Variants in TENM3 observed in about 807,000 individuals in gnomAD.
The protein encoded by TENM3 is teneurin transmembrane protein 3.
In TENM3, 63 loss-of-function variants were observed where a neutral mutation model predicts 255.1. The ratio of observed to expected loss-of-function variants is 0.25; its 90% CI spans 0.20 to 0.30. The LOEUF is 0.30. TENM3 is among the 10% of genes least tolerant of loss of function. The pLI, the probability that TENM3 is intolerant of heterozygous loss-of-function variation, is 1.00. For synonymous variants in TENM3, 1,306 were observed against 1,322.3 expected, an observed-to-expected ratio of 0.99 and a Z score of 0.27; for missense variants, 2,929 against 3,461.1, an observed-to-expected ratio of 0.85 and a Z score of 3.86.
intron 19 of TENM3, among the ~76,000 whole-genome samples, chr4:182,744,921 G>C (rs138673725): frequency 1.9e-3 from 296 of 152,016 alleles, no homozygotes; most frequent in Middle Eastern, 0.01. Flanking sequence ...GGACACATTT[G>C]ATTGAAAAAC....
chr4:182,317,167 C>T (rs1013251892), intron 1 of TENM3, among the ~76,000 whole-genome samples: 1 of 152,170 alleles, frequency 6.6e-6, no homozygotes, highest in African/African-American at 2.4e-5. Context: ...GTAAAGAAAA[C>T]AACCTGCCCA....
the TENM3 span, among the ~76,000 whole-genome samples, chr4:181,832,301 T>A: frequency 3.9e-5 from 6 of 152,084 alleles, no homozygotes; most frequent in Non-Finnish European, 5.9e-5. Context: ...ATGTGGCCAA[T>A]TTTTTTAAAA....
chr4:182,404,366 T>A (rs1439590061), intron 3 of TENM3, among the ~76,000 whole-genome samples: 1 of 152,188 alleles, frequency 6.6e-6, no homozygotes, highest in Non-Finnish European at 1.5e-5. Context: ...ACCTACAAAA[T>A]GAAGTAATTC....
rs1817022 is a variant in TENM3 at position 182,220,595 on chromosome 4, G to T, written c.-76+75841G>T. The stretch of plus-strand genomic sequence containing the variant: ...AGTCCGTGGCCCTGTAGATTGATAG[G>T]AAACTGCGCAGAGAAGGTTCATGCT... On this transcript the variant is annotated intron_variant, in intron 1 of 2. Coordinates refer to the TENM3 transcript ENST00000512480. Among the ~76,000 whole-genome samples, 996 of 152,212 alleles carry T rather than the reference G, an allele frequency of 6.5e-3. 7 individuals are homozygous for T. Among genetic ancestry groups the T allele is most frequent in the African/African-American group, 0.023 (950 of 41,542 alleles).
intron 3 of TENM3, among the ~76,000 whole-genome samples, chr4:182,544,961 A>C (rs1161417145): frequency 4.6e-5 from 7 of 152,336 alleles, no homozygotes; most frequent in Admixed American, 4.6e-4. Flanking sequence ...CAATCAGCGC[A>C]TCAAAATCTT....
intron 24 of TENM3, among the ~76,000 whole-genome samples, chr4:182,786,912 A>G (rs1765706398): frequency 6.6e-6 from 1 of 152,214 alleles, no homozygotes; most frequent in Non-Finnish European, 1.5e-5. Flanking sequence ...ACAGGCGCTC[A>G]AGAGCCCTAA....
the TENM3 span, among the ~76,000 whole-genome samples, chr4:181,913,632 G>A: frequency 1.3e-5 from 2 of 152,128 alleles, no homozygotes; most frequent in Non-Finnish European, 2.9e-5. Context: ...CAGGTGACCA[G>A]GGATGCCTAA....
intron 3 of TENM3, among the ~76,000 whole-genome samples, chr4:182,448,092 C>T (rs111431640): frequency 0.022 from 3,340 of 152,314 alleles, 122 homozygotes; most frequent in African/African-American, 0.076. Flanking sequence ...GTGGCTCGGG[C>T]CACTTGCACA....
chr4:181,846,291 G>T, the TENM3 span, among the ~76,000 whole-genome samples: 2 of 151,846 alleles, frequency 1.3e-5, no homozygotes, highest in African/African-American at 4.8e-5. Flanking sequence ...ATCTTGCTTT[G>T]AAAAAAATAT....
intron 22 of TENM3, among the ~76,000 whole-genome samples, chr4:182,762,233 T>C (rs910322752): frequency 1.3e-5 from 2 of 152,242 alleles, no homozygotes; most frequent in African/African-American, 4.8e-5. Flanking sequence ...GGCAAGTCAA[T>C]ATTCCGGATG....
chr4:182,381,862 A>G lies in TENM3; in HGVS notation c.511+34933A>G, dbSNP rs116886934. 1.3e-4 allele frequency among the ~76,000 whole-genome samples: 20 copies of G among 152,300 alleles called. No homozygotes were observed. The East Asian group carries it at 3.7e-3, about 28-fold the overall frequency. ...AGGCGTGAGCCACCACACCGGGCCT[A>G]TAGCTGTTGTTTTCTTAATGAAGAG... On this transcript the variant is annotated intron_variant, in intron 3 of 27. Coordinates refer to ENST00000511685, the MANE Select transcript of TENM3 (RefSeq NM_001080477.4).
intron 1 of TENM3, among the ~76,000 whole-genome samples, chr4:182,201,624 C>T (rs1579693487): frequency 6.6e-6 from 1 of 151,772 alleles, no homozygotes; most frequent in African/African-American, 2.4e-5. Flanking sequence ...CAGCGGCTGG[C>T]CAGCAGGAGC....
chr4:182,421,531 G>C (rs1473945967), intron 3 of TENM3, among the ~76,000 whole-genome samples: 2 of 152,126 alleles, frequency 1.3e-5, no homozygotes, highest in African/African-American at 4.8e-5. Flanking sequence ...AAAGAATCCA[G>C]AAGAGAAGAC....
At chr4:182,523,418 C>A (rs985352843) in intron 3 of TENM3, among the ~76,000 whole-genome samples, 1 of 152,116 alleles carries the variant, frequency 6.6e-6, no homozygotes, top group African/African-American at 2.4e-5. Context: ...CCAATTATAA[C>A]CTTTTTTGGA....
At chr4:181,964,979 G>A in the TENM3 span, among the ~76,000 whole-genome samples, 1 of 152,130 alleles carries the variant, frequency 6.6e-6, no homozygotes, top group Non-Finnish European at 1.5e-5. Context: ...GTCTACGCCA[G>A]TGAAACAGGA....
the TENM3 span, among the ~76,000 whole-genome samples, chr4:181,560,204 T>TC: frequency 1.4e-5 from 1 of 72,468 alleles, no homozygotes; most frequent in East Asian, 3.7e-4. Context: ...TGCTGTCTTC[T>TC]CACTGTGGCT....
At chr4:182,748,683 A>T (rs7674691) in intron 19 of TENM3, among the ~76,000 whole-genome samples, 53,630 of 151,916 alleles carry the variant, frequency 0.35, 10,593 homozygotes, top group East Asian at 0.69. Flanking sequence ...AGAGACCAGC[A>T]TCTAACAACC....
the TENM3 span, among the ~76,000 whole-genome samples, chr4:181,466,319 T>G: frequency 6.6e-6 from 1 of 152,006 alleles, no homozygotes; most frequent in Non-Finnish European, 1.5e-5. Context: ...GGTTTCACCA[T>G]GTTGATTAGG....
chr4:182,203,785 C>A (rs1185283399), intron 1 of TENM3, among the ~76,000 whole-genome samples: 1 of 152,198 alleles, frequency 6.6e-6, no homozygotes, highest in Non-Finnish European at 1.5e-5. Flanking sequence ...GCCTCACAAC[C>A]CTTCTGGAAG....
Sources: gnomAD v4.1 joint callset for allele counts (sites outside exome capture counted in the v4.1 genomes callset) on GRCh38, gnomAD v4.1.1 for gene constraint, MANE v1.5 for transcripts, NCBI Gene and HGNC (gene_info 2026-07-23, HGNC 2026-07-21) for gene names.